The following RAB38 variants were observed in gnomAD, a reference collection of about 807,000 sequenced individuals.
RAB38 encodes the protein ras-related protein Rab-38.
RAB38 carries 15 observed loss-of-function variants against 18.4 expected under a neutral mutation model. That is an observed-to-expected ratio of 0.82 (90% CI 0.55 to 1.26). The LOEUF (loss-of-function observed/expected upper bound fraction) is 1.26. Ranked by LOEUF, RAB38 falls within the 50% of genes most tolerant of loss-of-function variation. The probability of loss-of-function intolerance (pLI) is 0.00; values close to 1 mark genes in which losing one functional copy is unlikely to be tolerated. For missense variants in RAB38, 294 were observed against 267.4 expected, an observed-to-expected ratio of 1.10 and a Z score of -0.69; for synonymous variants, 101 against 104.4, an observed-to-expected ratio of 0.97 and a Z score of 0.20.
the RAB38 span, among the ~76,000 whole-genome samples, chr11:88,079,496 C>A: frequency 3.6e-3 from 541 of 151,746 alleles, 1 homozygote; most frequent in Non-Finnish European, 4.6e-3. Context: ...ATTTTAGTAC[C>A]AATTGTACAC....
the RAB38 span, among the ~76,000 whole-genome samples, chr11:88,087,983 G>T: frequency 6.6e-6 from 1 of 151,842 alleles, no homozygotes; most frequent in Non-Finnish European, 1.5e-5. Flanking sequence ...AAAGGGTGGT[G>T]GTCCATCTTC....
At chr11:87,902,436 C>T in the RAB38 span, among the ~76,000 whole-genome samples, 1 of 151,406 alleles carries the variant, frequency 6.6e-6, no homozygotes. Context: ...TTTCTGGACT[C>T]TTTTTTGATA....
the RAB38 span, among the ~76,000 whole-genome samples, chr11:87,895,656 G>A: frequency 5.6e-3 from 849 of 151,650 alleles, 6 homozygotes; most frequent in African/African-American, 0.02. Flanking sequence ...CCACTGCACC[G>A]GCTGATTTAA....
At chr11:88,033,336 C>A in the RAB38 span, among the ~76,000 whole-genome samples, 7 of 151,368 alleles carry the variant, frequency 4.6e-5, no homozygotes, top group African/African-American at 1.7e-4. Context: ...ATGTAACTAA[C>A]CTGCATGTTG....
At chr11:88,069,372 G>A in the RAB38 span, among the ~76,000 whole-genome samples, 2 of 152,232 alleles carry the variant, frequency 1.3e-5, no homozygotes, top group Non-Finnish European at 2.9e-5. Flanking sequence ...TCCCCGACGG[G>A]CACCAACCCC....
chr11:87,947,312 C>A, the RAB38 span, among the ~76,000 whole-genome samples: 2 of 151,964 alleles, frequency 1.3e-5, no homozygotes, highest in Non-Finnish European at 2.9e-5. Context: ...GAGTAGGTTG[C>A]AAAAATTTTC....
downstream of RAB38, among the ~76,000 whole-genome samples, chr11:88,110,544 C>T (rs144970649): frequency 3.3e-3 from 497 of 152,056 alleles, 1 homozygote; most frequent in African/African-American, 0.012. Context: ...AAAGGCCAGG[C>T]GTGGTGGCTC....
At chr11:88,129,458 T>C (rs544406832) in intron 2 of RAB38, among the ~76,000 whole-genome samples, 1 of 152,236 alleles carries the variant, frequency 6.6e-6, no homozygotes, top group East Asian at 1.9e-4. Flanking sequence ...CTGGCCAACA[T>C]GGTGAAACCC....
At chr11:88,022,056 C>G in the RAB38 span, among the ~76,000 whole-genome samples, 1 of 151,554 alleles carries the variant, frequency 6.6e-6, no homozygotes, top group Non-Finnish European at 1.5e-5. Context: ...AAAAAGAAAA[C>G]TACAGGCCAA....
At chr11:88,069,888 C>T in the RAB38 span, among the ~76,000 whole-genome samples, 8 of 152,192 alleles carry the variant, frequency 5.3e-5, no homozygotes, top group South Asian at 1.7e-3. Flanking sequence ...GTAAATACAC[C>T]AATCAGCACT....
chr11:88,108,861 G>A (rs1942436996), downstream of RAB38, among the ~76,000 whole-genome samples: 1 of 152,116 alleles, frequency 6.6e-6, no homozygotes, highest in African/African-American at 2.4e-5. Flanking sequence ...CATTTGCCTT[G>A]TCTCTAAAGG....
the RAB38 span, among the ~76,000 whole-genome samples, chr11:87,959,604 G>C: frequency 2.6e-5 from 4 of 152,222 alleles, no homozygotes; most frequent in Non-Finnish European, 5.9e-5. Context: ...CCAGCTCATA[G>C]ACGCATTCTC....
chr11:88,125,733 G>T (rs1455270091), intron 2 of RAB38, among the ~76,000 whole-genome samples: 1 of 152,162 alleles, frequency 6.6e-6, no homozygotes, highest in Non-Finnish European at 1.5e-5. Flanking sequence ...GATCCTATTT[G>T]TCAATTTTGG....
chr11:88,006,946 C>T, the RAB38 span, among the ~76,000 whole-genome samples: 1 of 151,466 alleles, frequency 6.6e-6, no homozygotes, highest in Admixed American at 6.6e-5. Context: ...ATTGCATAGT[C>T]TGATGTATTG....
downstream of RAB38, among the ~76,000 whole-genome samples, chr11:88,112,619 C>T (rs1052831053): frequency 1.3e-5 from 2 of 151,990 alleles, no homozygotes; most frequent in African/African-American, 4.8e-5. Flanking sequence ...ATTAAAAATA[C>T]AAAAATTAGC....
chr11:87,972,617 A>G, the RAB38 span, among the ~76,000 whole-genome samples: 1 of 152,186 alleles, frequency 6.6e-6, no homozygotes, highest in African/African-American at 2.4e-5. Flanking sequence ...TAAGCAGCTA[A>G]TTCCCCTAGT....
chr11:88,146,156 T>C (rs1942982298), intron 2 of RAB38, among the ~76,000 whole-genome samples: 1 of 152,188 alleles, frequency 6.6e-6, no homozygotes, highest in South Asian at 2.1e-4. Context: ...AAAACTCTCA[T>C]GGAAAGTTAC....
At chr11:88,096,974 T>C in the RAB38 span, among the ~76,000 whole-genome samples, 1 of 151,842 alleles carries the variant, frequency 6.6e-6, no homozygotes, top group African/African-American at 2.4e-5. Context: ...TATCCATTCA[T>C]CTGCTGATGG....
the RAB38 span, among the ~76,000 whole-genome samples, chr11:87,898,333 C>A: frequency 6.6e-6 from 1 of 151,602 alleles, no homozygotes; most frequent in Non-Finnish European, 1.5e-5. Flanking sequence ...CTACTTTTTC[C>A]CTAGTATGCT....
Sources: gnomAD v4.1 joint callset for allele counts (sites outside exome capture counted in the v4.1 genomes callset) on GRCh38, gnomAD v4.1.1 for gene constraint, MANE v1.5 for transcripts, NCBI Gene and HGNC (gene_info 2026-07-23, HGNC 2026-07-21) for gene names.